The following HSPA4 variants were observed in gnomAD, a reference collection of about 807,000 sequenced individuals.
HSPA4 encodes the protein heat shock protein family A (Hsp70) member 4, also known as heat shock 70 kDa protein 4.
In HSPA4, 25 loss-of-function variants were observed where a neutral mutation model predicts 106.2. The observed-to-expected ratio is 0.24, with a 90% CI of 0.17 to 0.33. The LOEUF (loss-of-function observed/expected upper bound fraction) is 0.33. Among genes scored for constraint, HSPA4 ranks in the 10% least tolerant of loss-of-function variants. HSPA4 has a pLI of 1.00. For synonymous variants in HSPA4, 332 were observed against 333.6 expected (o/e 1.00, Z 0.05); for missense variants, 841 against 996.0 (o/e 0.84, Z 2.10).
chr5:133,069,461 C>A (rs981071188), intron 3 of HSPA4, among the ~76,000 whole-genome samples: 4 of 151,934 alleles, frequency 2.6e-5, no homozygotes, highest in East Asian at 3.9e-4. Flanking sequence ...ATTTTGGTCA[C>A]GCTGGTCTTG....
intron 6 of HSPA4, among the ~76,000 whole-genome samples, chr5:133,074,342 G>C (rs897050305): frequency 6.6e-6 from 1 of 150,658 alleles, no homozygotes; most frequent in African/African-American, 2.4e-5. Context: ...GCAATGGCGC[G>C]ATCTTGGCTC....
At position 133,104,038 on chromosome 5, in the gene HSPA4, C is replaced by CT. The variant is rs746950249; in HGVS notation, c.2319+20dup. 36 of 1,600,996 alleles carry CT rather than the reference C, an allele frequency of 2.2e-5. No individual in the cohort carries two copies. Among genetic ancestry groups the CT allele is most frequent in the East Asian group, 1.6e-4 (7 of 44,820 alleles). ...AAGCTAAAATTAAGGTAATTTAAGA[C>CT]TTTTTTTTAATAGTCTTTTCTTGAC... On this transcript the variant is annotated intron_variant, in intron 18 of 18. Coordinates refer to ENST00000304858, the MANE Select transcript of HSPA4 (RefSeq NM_002154.4).
chr5:133,067,889 AC>A (rs1398577842), intron 3 of HSPA4, among the ~76,000 whole-genome samples: 2 of 147,822 alleles, frequency 1.4e-5, no homozygotes, highest in Admixed American at 1.4e-4. Context: ...CAAAGCAATC[AC>A]AGTTTTTTTT....
At chr5:133,055,173 T>C (rs1581461800) in intron 1 of HSPA4, among the ~76,000 whole-genome samples, 1 of 152,286 alleles carries the variant, frequency 6.6e-6, no homozygotes, top group East Asian at 1.9e-4. Context: ...TCTTTATATT[T>C]TCCTTCATAG....
intron 4 of HSPA4, among the ~76,000 whole-genome samples, chr5:133,070,964 T>C (rs967014696): frequency 1.3e-5 from 2 of 152,148 alleles, no homozygotes; most frequent in Admixed American, 1.3e-4. Context: ...CTGCTTAGCT[T>C]TTGCTCAGGC....
chr5:133,075,992 A>C (rs1034059937), intron 6 of HSPA4: 1 of 152,162 alleles, frequency 6.6e-6, no homozygotes, highest in Non-Finnish European at 1.5e-5. Flanking sequence ...AATTTCCCCC[A>C]TGACGTGTAG....
intron 17 of HSPA4, among the ~76,000 whole-genome samples, chr5:133,103,085 A>G (rs1765809602): frequency 6.6e-6 from 1 of 150,986 alleles, no homozygotes; most frequent in African/African-American, 2.4e-5. Context: ...TTTGTGAGAC[A>G]GGGTCTCAGT....
rs111469704 is a variant in HSPA4 at position 133,072,335 on chromosome 5, A to G, written c.430-895A>G. ...TGCTTAACTCCAGCAACAGGTTGTA[A>G]CAATACGGGTGAAATGTCCTCTACC... is the stretch of plus-strand genomic sequence containing the variant. On this transcript the variant is annotated intron_variant, in intron 4 of 18. Coordinates refer to ENST00000304858, the MANE Select transcript of HSPA4 (RefSeq NM_002154.4). Among the ~76,000 whole-genome samples, 422 of 151,798 alleles carry G rather than the reference A, an allele frequency of 2.8e-3. 4 individuals are homozygous for G. The highest frequency in any genetic ancestry group is 9.7e-3 in the African/African-American group (402 of 41,340).
chr5:133,055,110 A>G (rs1047705830), intron 1 of HSPA4, among the ~76,000 whole-genome samples: 5 of 152,178 alleles, frequency 3.3e-5, no homozygotes, highest in Non-Finnish European at 7.4e-5. Context: ...GACCCCATAC[A>G]CCACGGAATT....
At chr5:133,072,745 CCTATACCT>C in intron 4 of HSPA4, among the ~76,000 whole-genome samples, 1 of 151,896 alleles carries the variant, frequency 6.6e-6, no homozygotes, top group Admixed American at 6.6e-5. Flanking sequence ...ACATTGGTAC[CCTATACCT>C]AGCATGAACC....
intron 4 of HSPA4, among the ~76,000 whole-genome samples, chr5:133,071,248 C>T (rs1041641944): frequency 1.4e-5 from 2 of 143,354 alleles, no homozygotes; most frequent in African/African-American, 5.3e-5. Flanking sequence ...TTGTTTGAGA[C>T]CAGCCTGGGC....
chr5:133,078,359 G>C (rs1015784211), intron 7 of HSPA4, among the ~76,000 whole-genome samples: 4 of 151,748 alleles, frequency 2.6e-5, no homozygotes, highest in Admixed American at 2.0e-4. Context: ...GTTGTACTGT[G>C]ATGGGGCATG....
In HSPA4 at chr5:133,086,857, C is replaced by T. The variant is rs1177772127; in HGVS notation, c.984C>T (p.Thr328=). The T allele has an allele frequency of 6.2e-7, 1 of 1,604,830 alleles. No individual in the cohort carries two copies. The highest frequency in any genetic ancestry group is 1.3e-5 in the African/African-American group (1 of 74,712). Residue 328 remains threonine, a splice_region_variant and synonymous_variant, in exon 8 of 19, where the codon ACC becomes ACT. Coordinates refer to ENST00000304858, the MANE Select transcript of HSPA4 (RefSeq NM_002154.4). The part of the protein sequence containing the change: ...EPPLRSVLEQ[T]KLKKEDIYAV... ...CACTTCGTAGTGTTTTGGAACAAAC[C>T]AGTAAGTATTTTTGTGATTGAATTT...
intron 1 of HSPA4, among the ~76,000 whole-genome samples, chr5:133,054,488 G>A (rs1389865720): frequency 6.6e-6 from 1 of 152,184 alleles, no homozygotes; most frequent in African/African-American, 2.4e-5. Context: ...ACAGGAGTGA[G>A]CCACCGCACC....
At chr5:133,100,125 G>A (rs1056645375) in intron 16 of HSPA4, among the ~76,000 whole-genome samples, 4 of 151,544 alleles carry the variant, frequency 2.6e-5, no homozygotes, top group East Asian at 1.9e-4. Flanking sequence ...GTGCAGTGGC[G>A]CAGTCTCGGC....
Position 133,104,580 on chromosome 5 carries a change from T to C in HSPA4, c.*144T>C, listed in dbSNP as rs1038633904. 1.5e-5 allele frequency: 10 copies of C among 663,984 alleles called. No homozygotes were observed. Among genetic ancestry groups the C allele is most frequent in the Non-Finnish European group, 2.6e-5 (10 of 386,362 alleles). 41.1% of individuals were successfully genotyped at this position (663,984 alleles called of 1,614,324 possible). On this transcript the variant is annotated 3_prime_UTR_variant, in exon 19 of 19. Coordinates refer to ENST00000304858, the MANE Select transcript of HSPA4 (RefSeq NM_002154.4). The stretch of plus-strand genomic sequence containing the variant: ...TTTCGGGGAGGGGAAATAGGTAATG[T>C]ATGGAGCATTTTCACTTCTAAATAG...
At chr5:133,061,708 A>C (rs1184070797) in intron 1 of HSPA4, among the ~76,000 whole-genome samples, 1 of 151,206 alleles carries the variant, frequency 6.6e-6, no homozygotes, top group African/African-American at 2.4e-5. Flanking sequence ...CAACCTCCAC[A>C]TCCTGGGTTC....
At chr5:133,070,727 C>T (rs1355658704) in intron 4 of HSPA4, among the ~76,000 whole-genome samples, 3 of 151,992 alleles carry the variant, frequency 2.0e-5, no homozygotes, top group Non-Finnish European at 4.4e-5. Flanking sequence ...CATGGTAAAA[C>T]CCCGTCTCTA....
chr5:133,065,804 G>T (rs1765299631), intron 2 of HSPA4, among the ~76,000 whole-genome samples: 1 of 152,174 alleles, frequency 6.6e-6, no homozygotes, highest in Non-Finnish European at 1.5e-5. Flanking sequence ...GCTGGTTTCT[G>T]AATAACCAGA....
Sources: allele counts gnomAD v4.1 joint callset (sites outside exome capture counted in the v4.1 genomes callset), GRCh38; gene constraint gnomAD v4.1.1; transcripts MANE v1.5; gene names NCBI Gene and HGNC (gene_info 2026-07-23, HGNC 2026-07-21).